The following MKI67 variants were observed in gnomAD, a reference collection of about 807,000 sequenced individuals.
The protein encoded by MKI67 is proliferation marker protein Ki-67.
A neutral mutation model predicts 233.5 loss-of-function variants in MKI67; 152 were observed. That is an observed-to-expected ratio of 0.65 (90% confidence interval 0.57 to 0.74). MKI67 has a LOEUF of 0.74. Among genes scored for constraint, MKI67 ranks in the 30% least tolerant of loss-of-function variants. MKI67 has a pLI of 0.00. For synonymous variants in MKI67, 1,465 were observed against 1,418.5 expected (o/e 1.03, Z -0.74); for missense variants, 3,940 against 3,885.2 (o/e 1.01, Z -0.37).
rs1852394867 is a variant in MKI67 at position 128,103,514 on chromosome 10, G to T, written c.8326C>A (p.Pro2776Thr). Residue 2776 changes from proline to threonine, a missense_variant, in exon 13 of 15, where the codon CCA (proline) becomes ACA (threonine). Pro to Thr is a conservative substitution (Grantham distance 38). Transcript: ENST00000368654. ...LKESAKQTPA[P>T]AASVTGSRRR... ...CTGCTGCCAGTTACACTTGCTGCTG[G>T]AGCCGGTGTCTGTTTTGCAGATTCC... 1 of 1,613,384 alleles carries T rather than the reference G, an allele frequency of 6.2e-7. No individual in the cohort carries two copies. Among genetic ancestry groups the T allele is most frequent in the Non-Finnish European group, 8.5e-7 (1 of 1,179,832 alleles).
rs1359493040 is a variant in MKI67 at position 128,125,428 on chromosome 10, C to T, written c.92+148G>A. 1 of 700,652 alleles carries T rather than the reference C, an allele frequency of 1.4e-6. No homozygotes were observed. The highest frequency in any genetic ancestry group is 2.5e-6 in the Non-Finnish European group (1 of 393,372). 43.4% of individuals were successfully genotyped at this position (700,652 alleles called of 1,614,324 possible). On this transcript the variant is annotated intron_variant, in intron 2 of 14. Coordinates refer to ENST00000368654, the MANE Select transcript of MKI67 (RefSeq NM_002417.5). The surrounding 1 kb of genome is among the most constrained non-coding windows in gnomAD (Gnocchi z 5.3). ...ATACTTACAAAACAAAAAAACACAACTATGTCAACTTAGTAACGAATGGGA... is the reference window on the plus strand; with the variant it reads ...ATACTTACAAAACAAAAAAACACAATTATGTCAACTTAGTAACGAATGGGA...
At position 128,104,403 on chromosome 10, in the gene MKI67, C is replaced by G. The variant is rs1852423139; in HGVS notation, c.7437G>C (p.Lys2479Asn). 6.2e-7 allele frequency: 1 copy of G among 1,614,034 alleles called. No individual in the cohort carries two copies. Among genetic ancestry groups the G allele is most frequent in the Non-Finnish European group, 8.5e-7 (1 of 1,180,020 alleles). Residue 2479 changes from lysine to asparagine, a missense_variant, in exon 13 of 15, where the codon AAG (lysine) becomes AAC (asparagine). Transcript: ENST00000368654. ...TCACCAGGGGTATCTTGAGCCTTTGCTTGGAGCTTCTTGAGGTTTTGAATG... is the reference window on the plus strand; with the variant it reads ...TCACCAGGGGTATCTTGAGCCTTTGGTTGGAGCTTCTTGAGGTTTTGAATG... ...PESFKTSRSS[K>N]QRLKIPLVKV...
At position 128,099,153 on chromosome 10, in the gene MKI67, CTAACTT is replaced by C; in HGVS notation, c.*31_*36del. On this transcript the variant is annotated 3_prime_UTR_variant, in exon 15 of 15. Coordinates refer to ENST00000368654, the MANE Select transcript of MKI67 (RefSeq NM_002417.5). ...AACTGCACTAGAACTTATCACAAAA[CTAACTT>C]TATTATATTTTTCCCAGTTCGATTT... is the stretch of plus-strand genomic sequence containing the variant. 1 of 1,529,136 alleles carries C rather than the reference CTAACTT, an allele frequency of 6.5e-7. No individual in the cohort carries two copies. Among genetic ancestry groups the C allele is most frequent in the Non-Finnish European group, 9.0e-7 (1 of 1,111,584 alleles). 94.7% of individuals were successfully genotyped at this position (1,529,136 alleles called of 1,614,324 possible).
intron 8 of MKI67, 46 bp from the exon 9 acceptor site, chr10:128,112,491 C>G: frequency 1.3e-6 from 2 of 1,558,716 alleles, no homozygotes; most frequent in Non-Finnish European, 1.8e-6. Context: ...AAGGATCTAA[C>G]ATCTCTGGAA....
rs751311108 is a variant in MKI67, at chr10:128,103,774, G to A, written c.8066C>T (p.Ser2689Leu). The stretch of plus-strand genomic sequence containing the variant: ...AGTCAGTGATTCCTGAGTGTGACCT[G>A]ATGTTTCAGAGAGCTCTGTGAAGCC... ...LAGFTELSET[S>L]GHTQESLTAG... is the part of the protein sequence containing the mutation. Residue 2689 changes from serine to leucine, a missense_variant, in exon 13 of 15, where the codon TCA (serine) becomes TTA (leucine). Ser to Leu is a moderately radical substitution (Grantham distance 145). Coordinates refer to ENST00000368654, the MANE Select transcript of MKI67 (RefSeq NM_002417.5). The A allele has an allele frequency of 6.2e-7, 1 of 1,613,494 alleles. No individual in the cohort carries two copies. Among genetic ancestry groups the A allele is most frequent in the African/African-American group, 1.3e-5 (1 of 74,702 alleles).
chr10:128,105,215 TGTC>T lies in MKI67; in HGVS notation c.6622_6624del (p.Asp2208del), dbSNP rs1445141749. ...GTAGTTTTCTCATGAGTCGTGGGCT[TGTC>T]AGTGCATATTGGTGTCTGGAAGAGC... is the stretch of plus-strand genomic sequence containing the variant. On this transcript the variant is annotated inframe_deletion, in exon 13 of 15. Coordinates refer to ENST00000368654, the MANE Select transcript of MKI67 (RefSeq NM_002417.5). The T allele has an allele frequency of 1.2e-6, 2 of 1,613,582 alleles. No individual in the cohort carries two copies. The highest frequency in any genetic ancestry group is 2.7e-5 in the African/African-American group (2 of 74,718).
intron 7 of MKI67, among the ~76,000 whole-genome samples, chr10:128,114,559 A>T (rs1265752909): frequency 6.6e-6 from 1 of 151,302 alleles, no homozygotes; most frequent in Non-Finnish European, 1.5e-5. Flanking sequence ...GACCAAACTC[A>T]TATGATACAG....
intron 10 of MKI67, 31 bp from the exon 11 acceptor site, chr10:128,111,847 C>T (rs560852488): frequency 5.8e-5 from 93 of 1,610,214 alleles, no homozygotes; most frequent in Middle Eastern, 1.7e-4. Context: ...GTAAACAGGA[C>T]ATTAAAGCAT....
rs781387369 is a variant in MKI67, at chr10:128,122,926, C to T, written c.242G>A (p.Arg81Gln). ...AGTTATTACATCTCCATGTTTTAGCCGTACAGGCTCATCAATAACAGACCC... is the reference window on the plus strand; with the variant it reads ...AGTTATTACATCTCCATGTTTTAGCTGTACAGGCTCATCAATAACAGACCC... ...VNGSVIDEPV[R>Q]LKHGDVITII... The change falls in exon 4 of 15, where the codon CGG (arginine) becomes CAG (glutamine). Residue 81 changes from arginine (R) to glutamine (Q), a missense_variant. Transcript: ENST00000368654. The T allele has an allele frequency of 6.3e-6, 10 of 1,598,926 alleles. No individual in the cohort carries two copies. Among genetic ancestry groups the T allele is most frequent in the Middle Eastern group, 1.7e-4 (1 of 6,036 alleles).
intron 4 of MKI67, among the ~76,000 whole-genome samples, chr10:128,121,179 G>A (rs2136150407): frequency 1.3e-5 from 2 of 151,710 alleles, no homozygotes; most frequent in South Asian, 4.2e-4. Flanking sequence ...CCATAGTACA[G>A]CCTCAAAATA....
At chr10:128,117,283 T>G (rs1435774486) in intron 5 of MKI67, among the ~76,000 whole-genome samples, 1 of 152,236 alleles carries the variant, frequency 6.6e-6, no homozygotes, top group Non-Finnish European at 1.5e-5. Context: ...GTCGATGAAC[T>G]GAGGCTCCAC....
chr10:128,100,285 C>T (rs1852309831), intron 14 of MKI67, among the ~76,000 whole-genome samples: 1 of 152,166 alleles, frequency 6.6e-6, no homozygotes, highest in African/African-American at 2.4e-5. Flanking sequence ...GACTTCCTGC[C>T]CACCATCCAG....
At position 128,105,397 on chromosome 10, in the gene MKI67, TTGTC is replaced by T. The variant is rs1852459259; in HGVS notation, c.6439_6442del (p.Asp2147LysfsTer27). 3 of 1,614,102 alleles carry T rather than the reference TTGTC, an allele frequency of 1.9e-6. No individual in the cohort carries two copies. The highest frequency in any genetic ancestry group is 1.7e-5 in the Admixed American group (1 of 60,014). On this transcript the variant is annotated frameshift_variant, in exon 13 of 15. Transcript: ENST00000368654. LOFTEE classifies it high-confidence loss of function. ...GCCTTTATCCTCATCTCCTGGTACT[TTGTC>T]TGTGTGTGTGGTCTGTGTGAGCTGC...
rs1852428866 is a variant in MKI67 at position 128,104,565 on chromosome 10, C to G, written c.7275G>C (p.Gln2425His). 1 of 1,613,730 alleles carries G rather than the reference C, an allele frequency of 6.2e-7. No individual in the cohort carries two copies. Among genetic ancestry groups the G allele is most frequent in the African/African-American group, 1.3e-5 (1 of 74,790 alleles). The change falls in exon 13 of 15, where the codon CAG becomes CAC. Residue 2425 changes from glutamine to histidine, a missense_variant. Gln to His is a conservative substitution (Grantham distance 24, BLOSUM62 0). Transcript: ENST00000368654. Reference sequence around the variant, plus strand: ...GAGCCTCAGCCTTTTCCTTAGGAGTCTGTGGCTGTCTCTTGCTGCCAGGTA... The same window carrying G: ...GAGCCTCAGCCTTTTCCTTAGGAGTGTGTGGCTGTCTCTTGCTGCCAGGTA... ...GNLPGSKRQP[Q>H]TPKEKAEALE...
At position 128,105,669 on chromosome 10, in the gene MKI67, A is replaced by C; in HGVS notation, c.6171T>G (p.Thr2057=). 1.2e-6 allele frequency: 2 copies of C among 1,613,356 alleles called. No individual in the cohort carries two copies. Among genetic ancestry groups the C allele is most frequent in the Non-Finnish European group, 1.7e-6 (2 of 1,179,892 alleles). The change falls in exon 13 of 15, where the codon ACT becomes ACG. Residue 2057 remains threonine, a synonymous_variant. Coordinates refer to ENST00000368654, the MANE Select transcript of MKI67 (RefSeq NM_002417.5). ...KQMLDPANYG[T]GMERWPRTPK... ...GTGTTCTTGGCCACCTCTCCATCCC[A>C]GTTCCATAGTTTGCTGGGTCCAGCA... is the stretch of plus-strand genomic sequence containing the variant.
In MKI67 at chr10:128,103,574, G is replaced by A. The variant is rs753389169; in HGVS notation, c.8266C>T (p.Pro2756Ser). 1.1e-5 allele frequency: 17 copies of A among 1,614,002 alleles called. No homozygotes were observed. The highest frequency in any genetic ancestry group is 1.0e-5 in the Non-Finnish European group (12 of 1,180,044). The change falls in exon 13 of 15, where the codon CCA (proline) becomes TCA (serine). Residue 2756 changes from proline (P) to serine (S), a missense_variant. By Grantham distance (74) the Pro-to-Ser change is moderately conservative. Coordinates refer to ENST00000368654, the MANE Select transcript of MKI67 (RefSeq NM_002417.5). ...TTGATGCCTTTATCTTCACCTGCTGGTTCTTTGTCTGCATCCGTGGTTTCC... is the reference window on the plus strand; with the variant it reads ...TTGATGCCTTTATCTTCACCTGCTGATTCTTTGTCTGCATCCGTGGTTTCC... ...SGETTDADKEPAGEDKGIKAL... is the reference protein window; with the variant it reads ...SGETTDADKESAGEDKGIKAL...
At position 128,105,481 on chromosome 10, in the gene MKI67, C is replaced by G; in HGVS notation, c.6359G>C (p.Arg2120Pro). 1 of 1,613,550 alleles carries G rather than the reference C, an allele frequency of 6.2e-7. No homozygotes were observed. Among genetic ancestry groups the G allele is most frequent in the South Asian group, 1.1e-5 (1 of 91,048 alleles). ...SMDTPTSTRR[R>P]PKTPLGKRDI... The stretch of plus-strand genomic sequence containing the variant: ...CCTTTTCCCCAAAGGTGTTTTGGGC[C>G]GCCTCCTTGTGCTTGTTGGAGTGTC... The change falls in exon 13 of 15, where the codon CGG becomes CCG. Residue 2120 changes from arginine (R) to proline (P), a missense_variant. Arg to Pro is a moderately radical substitution (Grantham distance 103, BLOSUM62 -2). Coordinates refer to ENST00000368654, the MANE Select transcript of MKI67 (RefSeq NM_002417.5).
chr10:128,105,013 T>C lies in MKI67; in HGVS notation c.6827A>G (p.Glu2276Gly). ...MDTPKPAGGD[E>G]KDMKAFMGTP... ...TCCCATAAATGCTTTCATGTCTTTC[T>C]CATCACCTCCTGCTGGTTTGGGTGT... Residue 2276 changes from glutamate to glycine, a missense_variant, in exon 13 of 15, where the codon GAG becomes GGG. Coordinates refer to ENST00000368654, the MANE Select transcript of MKI67 (RefSeq NM_002417.5). 1.2e-6 allele frequency: 2 copies of C among 1,613,458 alleles called. No homozygotes were observed. Among genetic ancestry groups the C allele is most frequent in the Non-Finnish European group, 1.7e-6 (2 of 1,179,934 alleles).
intron 5 of MKI67, among the ~76,000 whole-genome samples, chr10:128,118,952 C>T (rs1852868011): frequency 1.3e-5 from 2 of 152,170 alleles, no homozygotes; most frequent in Admixed American, 6.5e-5. Flanking sequence ...GTTAGCTCTA[C>T]GTGTTGGGGT....
Sources: allele counts gnomAD v4.1 joint callset (sites outside exome capture counted in the v4.1 genomes callset), GRCh38; gene constraint gnomAD v4.1.1; non-coding constraint Gnocchi (gnomAD v3.1); transcripts MANE v1.5; gene names NCBI Gene and HGNC (gene_info 2026-07-23, HGNC 2026-07-21).